CPAP: variants seen among roughly 807,000 people sequenced by gnomAD.
CPAP encodes the protein centrosome assembly and centriole elongation protein, also known as centrosomal P4.1-associated protein.
At chr13:24,905,303 A>G in the CPAP span, 9 of 1,574,798 alleles carry the variant, frequency 5.7e-6, no homozygotes, top group Non-Finnish European at 7.0e-6. Context: ...TTAATGTTAA[A>G]TTTCTAACAT....
chr13:24,907,138 CT>C, the CPAP span: 16 of 1,613,806 alleles, frequency 9.9e-6, no homozygotes, highest in Non-Finnish European at 1.1e-5. Flanking sequence ...TGAATTTGTT[CT>C]TCTAAGTAAT....
the CPAP span, among the ~76,000 whole-genome samples, chr13:24,928,805 C>CAAATTT: frequency 2.0e-5 from 3 of 152,090 alleles, no homozygotes; most frequent in African/African-American, 7.2e-5. Context: ...ATAGTTAAAT[C>CAAATTT]TATTGCTGGT....
chr13:24,892,444 G>A, the CPAP span, among the ~76,000 whole-genome samples: 2 of 152,304 alleles, frequency 1.3e-5, no homozygotes, highest in South Asian at 4.1e-4. Flanking sequence ...TATCTGCGGT[G>A]TAGTGCAACC....
the CPAP span, chr13:24,905,500 C>A: frequency 3.1e-6 from 5 of 1,614,076 alleles, no homozygotes; most frequent in Middle Eastern, 1.6e-4. Flanking sequence ...CTTCTCCCCT[C>A]TTGACTGGTG....
At chr13:24,906,132 G>A in the CPAP span, 6 of 1,613,182 alleles carry the variant, frequency 3.7e-6, no homozygotes, top group African/African-American at 1.3e-5. Flanking sequence ...TCCTCACTGC[G>A]GTTACAATGA....
the CPAP span, among the ~76,000 whole-genome samples, chr13:24,910,541 G>A: frequency 6.6e-6 from 1 of 152,152 alleles, no homozygotes; most frequent in Admixed American, 6.5e-5. Context: ...AATTTCTAAT[G>A]CAGTAAGTTA....
chr13:24,907,274 C>T, the CPAP span: 1 of 1,206,522 alleles, frequency 8.3e-7, no homozygotes. Flanking sequence ...GTATAGAAAC[C>T]CTTGACAACA....
the CPAP span, among the ~76,000 whole-genome samples, chr13:24,922,374 A>G: frequency 6.6e-6 from 1 of 152,194 alleles, no homozygotes; most frequent in East Asian, 1.9e-4. Context: ...AAGCTTCAAG[A>G]GAGAAGCCCT....
At chr13:24,895,851 G>A in the CPAP span, among the ~76,000 whole-genome samples, 1 of 152,182 alleles carries the variant, frequency 6.6e-6, no homozygotes, top group African/African-American at 2.4e-5. Context: ...GGCAGAAATT[G>A]CTAACTCATC....
the CPAP span, among the ~76,000 whole-genome samples, chr13:24,894,284 A>C: frequency 6.6e-6 from 1 of 152,230 alleles, no homozygotes; most frequent in South Asian, 2.1e-4. Flanking sequence ...AGCGGAGGCC[A>C]AGCCGCCAGC....
the CPAP span, among the ~76,000 whole-genome samples, chr13:24,925,177 C>G: frequency 0.46 from 69,333 of 152,006 alleles, 16,076 homozygotes; most frequent in South Asian, 0.58. Context: ...GGGTCTCACT[C>G]TGTTGCCCAG....
the CPAP span, among the ~76,000 whole-genome samples, chr13:24,902,440 C>T: frequency 3.3e-5 from 5 of 152,248 alleles, no homozygotes; most frequent in Non-Finnish European, 5.9e-5. Context: ...CAGTATGTAT[C>T]AGCTGAAAAA....
At chr13:24,909,275 C>G in the CPAP span, among the ~76,000 whole-genome samples, 11 of 152,194 alleles carry the variant, frequency 7.2e-5, no homozygotes, top group East Asian at 9.6e-4. Context: ...ATCTGCAATC[C>G]CAGTACTTTG....
the CPAP span, among the ~76,000 whole-genome samples, chr13:24,916,452 T>C: frequency 6.6e-6 from 1 of 152,158 alleles, no homozygotes; most frequent in African/African-American, 2.4e-5. Context: ...CATTAAAACA[T>C]GCGCATTCTC....
chr13:24,928,393 C>G, the CPAP span, among the ~76,000 whole-genome samples: 1 of 152,200 alleles, frequency 6.6e-6, no homozygotes, highest in Admixed American at 6.5e-5. Flanking sequence ...GAGTTCTTCA[C>G]CAAGGCCTGA....
At chr13:24,919,091 A>G in the CPAP span, among the ~76,000 whole-genome samples, 5 of 152,210 alleles carry the variant, frequency 3.3e-5, no homozygotes, top group African/African-American at 7.2e-5. Context: ...GATGAAGAGG[A>G]GGTAAATAGG....
the CPAP span, chr13:24,885,129 T>C: frequency 1.5e-6 from 1 of 648,464 alleles, no homozygotes; most frequent in East Asian, 2.7e-5. Flanking sequence ...AGAGATTGTA[T>C]GCCGCCTTTT....
At chr13:24,924,061 C>T in the CPAP span, among the ~76,000 whole-genome samples, 1 of 152,124 alleles carries the variant, frequency 6.6e-6, no homozygotes, top group Non-Finnish European at 1.5e-5. Context: ...TCTTGATCTT[C>T]TGACCTCGTG....
chr13:24,904,726 A>C, the CPAP span, among the ~76,000 whole-genome samples: 4,247 of 152,304 alleles, frequency 0.028, 72 homozygotes, highest in Middle Eastern at 0.048. Flanking sequence ...TGTACAAAAA[A>C]ATTACTTTTA....
Sources: gnomAD v4.1 joint callset for allele counts (sites outside exome capture counted in the v4.1 genomes callset) on GRCh38, gnomAD v4.1.1 for gene constraint, MANE v1.5 for transcripts, NCBI Gene and HGNC (gene_info 2026-07-23, HGNC 2026-07-21) for gene names.